Variants in CALD1 observed in about 807,000 individuals in gnomAD.
CALD1 encodes caldesmon 1.
Under a neutral mutation model 99.9 loss-of-function variants are expected in CALD1, and 33 were observed. The observed-to-expected ratio is 0.33, with a 90% CI of 0.25 to 0.44. The LOEUF (loss-of-function observed/expected upper bound fraction) is 0.44, where lower values mean the gene tolerates loss of function less well. Among genes scored for constraint, CALD1 ranks in the 20% least tolerant of loss-of-function variants. The probability of loss-of-function intolerance (pLI) is 1.00; values close to 1 mark genes in which losing one functional copy is unlikely to be tolerated. For synonymous variants in CALD1, 310 were observed against 325.0 expected (o/e 0.95, Z 0.50); for missense variants, 861 against 962.1 (o/e 0.89, Z 1.39).
At chr7:134,764,795 A>C (rs1044566849) in intron 1 of CALD1, among the ~76,000 whole-genome samples, 15 of 152,150 alleles carry the variant, frequency 9.9e-5, no homozygotes, top group Admixed American at 2.6e-4. Flanking sequence ...AAGCGGGAGA[A>C]GCACCAAGAC....
chr7:134,864,682 G>A (rs1198281745), intron 2 of CALD1, among the ~76,000 whole-genome samples: 1 of 152,316 alleles, frequency 6.6e-6, no homozygotes, highest in Non-Finnish European at 1.5e-5. Context: ...TTACAGGCAT[G>A]AGCCACTGCA....
rs184181991 is a variant in CALD1 at position 134,754,575 on chromosome 7, C to T, written c.-130+10212C>T. Among the ~76,000 whole-genome samples, 469 of 152,136 alleles carry T rather than the reference C, an allele frequency of 3.1e-3. 6 individuals carry two copies. Among genetic ancestry groups the T allele is most frequent in the African/African-American group, 0.011 (458 of 41,502 alleles). ...ACCTCTGTTAACAGATGTGTAGTCC[C>T]GGAAGGACTGCTTGACATACAAGAA... On this transcript the variant is annotated intron_variant, in intron 1 of 13. Coordinates refer to the CALD1 transcript ENST00000417172.
chr7:134,779,589 G>T, upstream of CALD1: 1 of 398,386 alleles, frequency 2.5e-6, no homozygotes, highest in East Asian at 3.6e-5. Flanking sequence ...ATGGACTTCT[G>T]GGAGGGGCCA....
upstream of CALD1, among the ~76,000 whole-genome samples, chr7:134,740,801 T>G (rs1796586286): frequency 6.6e-6 from 1 of 152,220 alleles, no homozygotes; most frequent in Non-Finnish European, 1.5e-5. Flanking sequence ...TGGTCTGTCT[T>G]CTCCACTAGA....
chr7:134,936,843 CA>C, intron 6 of CALD1, among the ~76,000 whole-genome samples: 1 of 152,180 alleles, frequency 6.6e-6, no homozygotes, highest in East Asian at 1.9e-4. Flanking sequence ...AATGTGAGCA[CA>C]GGCCATGTAA....
intron 3 of CALD1, among the ~76,000 whole-genome samples, chr7:134,881,977 G>A (rs946400911): frequency 2.6e-5 from 4 of 152,150 alleles, no homozygotes; most frequent in South Asian, 2.1e-4. Flanking sequence ...TGGGTCTTAC[G>A]TCGCACTTTT....
chr7:134,914,584 G>GT (rs1212073653), intron 3 of CALD1, among the ~76,000 whole-genome samples: 1 of 152,190 alleles, frequency 6.6e-6, no homozygotes, highest in Non-Finnish European at 1.5e-5. Flanking sequence ...CCATCTTTCT[G>GT]TATGTACCAA....
At chr7:134,711,678 A>ATG in the CALD1 span, among the ~76,000 whole-genome samples, 6 of 54,800 alleles carry the variant, frequency 1.1e-4, no homozygotes, top group African/African-American at 3.0e-4. Context: ...ATATATATAT[A>ATG]TATGTGTGTG....
the CALD1 span, among the ~76,000 whole-genome samples, chr7:134,716,162 AAAATT>A: frequency 1.3e-5 from 2 of 152,212 alleles, no homozygotes; most frequent in African/African-American, 4.8e-5. Context: ...AATATGAACT[AAAATT>A]AAATCTTACA....
In CALD1 at chr7:134,958,104, G is replaced by A; in HGVS notation, c.1971G>A (p.Val657=). 1 of 1,610,492 alleles carries A rather than the reference G, an allele frequency of 6.2e-7. No homozygotes were observed. Residue 657 remains valine (V), a synonymous_variant, in exon 10 of 15, where the codon GTG becomes GTA. Transcript: ENST00000361675. ...EERAEFLNKS[V]QKSSGVKSTH... ...GAGCAGAATTTTTGAATAAGTCTGT[G>A]CAGAAAAGGTAAATATGCTTGATGG... is the stretch of plus-strand genomic sequence containing the variant.
chr7:134,885,364 G>C (rs1238708590), intron 3 of CALD1, among the ~76,000 whole-genome samples: 1 of 152,128 alleles, frequency 6.6e-6, no homozygotes, highest in Non-Finnish European at 1.5e-5. Context: ...TAAAGTATCT[G>C]AAACACATAA....
At chr7:134,844,802 C>G (rs57644226) in intron 2 of CALD1, among the ~76,000 whole-genome samples, 1 of 152,078 alleles carries the variant, frequency 6.6e-6, no homozygotes, top group Non-Finnish European at 1.5e-5. Context: ...GTCCTCTCTC[C>G]GGGCACACAC....
intron 3 of CALD1, among the ~76,000 whole-genome samples, chr7:134,869,703 G>A (rs1800973534): frequency 6.6e-6 from 1 of 152,190 alleles, no homozygotes; most frequent in African/African-American, 2.4e-5. Context: ...GGGATTTCCT[G>A]CAGGCATGTG....
chr7:134,933,411 GA>G lies in CALD1; in HGVS notation c.646del (p.Thr216GlnfsTer10). The G allele has an allele frequency of 6.2e-7, 1 of 1,613,176 alleles. No homozygotes were observed. The highest frequency in any genetic ancestry group is 1.1e-5 in the South Asian group (1 of 90,954). On this transcript the variant is annotated frameshift_variant, in exon 5 of 15. Transcript: ENST00000361675. LOFTEE classifies it high-confidence loss of function. ...ATCAGGTAGAGGTGATGGTGGAAGA[GA>G]AAACAACTGAAAGCCAGGAGGAAAC... The part of the protein sequence containing the change: ...ENQVEVMVEE[K>X]TTESQEETVV...
the CALD1 span, among the ~76,000 whole-genome samples, chr7:134,735,686 G>C: frequency 6.6e-6 from 1 of 151,198 alleles, no homozygotes; most frequent in Non-Finnish European, 1.5e-5. Context: ...TTCTAGTATT[G>C]CTCCTGGGAC....
upstream of CALD1, among the ~76,000 whole-genome samples, chr7:134,739,498 C>T (rs187355021): frequency 2.2e-3 from 333 of 152,280 alleles, 3 homozygotes; most frequent in African/African-American, 7.4e-3. Flanking sequence ...TCTGGTTTTG[C>T]TGGGCATATA....
chr7:134,837,387 A>C (rs796606413), intron 1 of CALD1, among the ~76,000 whole-genome samples: 2 of 151,930 alleles, frequency 1.3e-5, no homozygotes, highest in African/African-American at 4.8e-5. Flanking sequence ...CTGTCGCCCA[A>C]GCTGGAGTGC....
At chr7:134,739,502 G>A (rs1236395592), upstream of CALD1, among the ~76,000 whole-genome samples, 1 of 152,128 alleles carries the variant, frequency 6.6e-6, no homozygotes, top group East Asian at 1.9e-4. Flanking sequence ...GTTTTGCTGG[G>A]CATATACATG....
At chr7:134,917,062 G>A (rs1223969846) in intron 3 of CALD1, among the ~76,000 whole-genome samples, 1 of 152,186 alleles carries the variant, frequency 6.6e-6, no homozygotes, top group African/African-American at 2.4e-5. Flanking sequence ...TCTGGAGCAG[G>A]TGTGATTCAG....
Sources: allele counts gnomAD v4.1 joint callset (sites outside exome capture counted in the v4.1 genomes callset), GRCh38; gene constraint gnomAD v4.1.1; transcripts MANE v1.5; gene names NCBI Gene and HGNC (gene_info 2026-07-23, HGNC 2026-07-21).